TRIQK: variants seen among roughly 807,000 people sequenced by gnomAD.
TRIQK encodes triple QxxK/R motif-containing protein.
In TRIQK, 10 loss-of-function variants were observed where a neutral mutation model predicts 10.8. That is an observed-to-expected ratio of 0.92 (90% CI 0.57 to 1.57). The LOEUF is 1.57. TRIQK is among the 40% of genes most tolerant of loss of function. TRIQK has a pLI of 0.00. For missense variants in TRIQK, 107 were observed against 97.7 expected (o/e 1.09, Z -0.40); for synonymous variants, 33 against 33.7 (o/e 0.98, Z 0.07).
chr8:92,909,460 G>C (rs1586402231), intron 3 of TRIQK, among the ~76,000 whole-genome samples: 2 of 151,932 alleles, frequency 1.3e-5, no homozygotes, highest in Middle Eastern at 6.8e-3. Flanking sequence ...TAGAGAGCAG[G>C]CTGGTAAATT....
At chr8:92,906,542 T>C (rs1287112560) in intron 3 of TRIQK, among the ~76,000 whole-genome samples, 1 of 152,072 alleles carries the variant, frequency 6.6e-6, no homozygotes, top group Non-Finnish European at 1.5e-5. Context: ...CTGAGAATGA[T>C]AGCCTGAACC....
chr8:92,948,464 C>T (rs1811668142), intron 2 of TRIQK, among the ~76,000 whole-genome samples: 1 of 152,132 alleles, frequency 6.6e-6, no homozygotes, highest in African/African-American at 2.4e-5. Context: ...ATGAAATGAA[C>T]AATGAGATTA....
chr8:92,935,831 T>A (rs1309112399), intron 2 of TRIQK, among the ~76,000 whole-genome samples: 2 of 151,416 alleles, frequency 1.3e-5, no homozygotes, highest in East Asian at 3.9e-4. Flanking sequence ...AATTTAAAAA[T>A]TAAAACACAT....
At chr8:92,912,031 C>T (rs1296572102) in intron 3 of TRIQK, among the ~76,000 whole-genome samples, 4 of 150,518 alleles carry the variant, frequency 2.7e-5, no homozygotes, top group African/African-American at 9.7e-5. Flanking sequence ...AGACAAAAAA[C>T]TCAAGAAAAA....
At chr8:92,906,103 A>G (rs1000514179) in intron 3 of TRIQK, among the ~76,000 whole-genome samples, 1 of 152,204 alleles carries the variant, frequency 6.6e-6, no homozygotes, top group Non-Finnish European at 1.5e-5. Context: ...AAGGGCAATG[A>G]AAAAGGGAAA....
chr8:92,976,425 A>G (rs1424809084), intron 1 of TRIQK, among the ~76,000 whole-genome samples: 1 of 151,966 alleles, frequency 6.6e-6, no homozygotes, highest in Non-Finnish European at 1.5e-5. Context: ...TTGCTCTGAA[A>G]TCTACTTTGT....
At position 92,884,565 on chromosome 8, in the gene TRIQK, C is replaced by T. The variant is rs1039195017; in HGVS notation, c.*2057G>A. On this transcript the variant is annotated 3_prime_UTR_variant, in exon 5 of 5. Coordinates refer to ENST00000521988, the MANE Select transcript of TRIQK (RefSeq NM_001171797.2). ...TATTTAGATTAATAGTTATCAAAAA[C>T]ATTTTTCCCCAAAAAATACCTCAAG... The T allele has an allele frequency of 1.6e-5, 5 of 318,134 alleles. 1 individual carries two copies. The highest frequency in any genetic ancestry group is 4.4e-5 in the African/African-American group (2 of 45,948). The allele number at this position is 318,134 out of a possible 1,614,324, so 19.7% of individuals were successfully genotyped here.
intron 1 of TRIQK, among the ~76,000 whole-genome samples, chr8:92,982,658 G>A (rs540323690): frequency 9.9e-5 from 15 of 152,098 alleles, no homozygotes; most frequent in South Asian, 8.3e-4. Flanking sequence ...TTAAGAATAC[G>A]TTGGTCTTTT....
intron 1 of TRIQK, among the ~76,000 whole-genome samples, chr8:92,960,239 T>C (rs777049806): frequency 1.3e-5 from 2 of 152,170 alleles, no homozygotes; most frequent in Non-Finnish European, 2.9e-5. Flanking sequence ...TCTTCTTGTC[T>C]CTTTTTCAGA....
In TRIQK at chr8:92,886,597, C is replaced by A; in HGVS notation, c.*25G>T. The A allele has an allele frequency of 7.1e-7, 1 of 1,408,138 alleles. No homozygotes were observed. The highest frequency in any genetic ancestry group is 1.4e-5 in the South Asian group (1 of 73,268). 87.2% of individuals were successfully genotyped at this position (1,408,138 alleles called of 1,614,324 possible). On this transcript the variant is annotated 3_prime_UTR_variant, in exon 5 of 5. Transcript: ENST00000521988. Reference sequence around the variant, plus strand: ...AAGGTGCTTTCGTAAAGTTATTTCTCTTTCATGCATTGATTGTTGCTTAGC... The same window carrying A: ...AAGGTGCTTTCGTAAAGTTATTTCTATTTCATGCATTGATTGTTGCTTAGC...
chr8:93,001,118 T>A (rs1586527785), intron 1 of TRIQK, among the ~76,000 whole-genome samples: 1 of 151,922 alleles, frequency 6.6e-6, no homozygotes, highest in Non-Finnish European at 1.5e-5. Context: ...CCATCCTGGC[T>A]AACACGGTGA....
chr8:92,962,200 T>C (rs963551792), intron 1 of TRIQK, among the ~76,000 whole-genome samples: 1 of 152,234 alleles, frequency 6.6e-6, no homozygotes, highest in African/African-American at 2.4e-5. Flanking sequence ...TATGATCAAA[T>C]ATGTATCACT....
At chr8:92,932,109 T>C (rs1810757838) in intron 2 of TRIQK, among the ~76,000 whole-genome samples, 1 of 152,106 alleles carries the variant, frequency 6.6e-6, no homozygotes, top group African/African-American at 2.4e-5. Context: ...ATTCTCCTTC[T>C]ACATTTCAAT....
chr8:92,950,297 A>ATTTTTTTTTTTTTTTTTTTTTTTTTTT, intron 2 of TRIQK, among the ~76,000 whole-genome samples: 1 of 152,008 alleles, frequency 6.6e-6, no homozygotes, highest in South Asian at 2.1e-4. Flanking sequence ...TCCCCCAGGG[A>ATTTTTTTTTTTTTTTTTTTTTTTTTTT]TTTTTATCAG....
At chr8:92,960,037 ATT>A (rs1476141741) in intron 1 of TRIQK, among the ~76,000 whole-genome samples, 1 of 152,168 alleles carries the variant, frequency 6.6e-6, no homozygotes, top group South Asian at 2.1e-4. Context: ...TAATTTGACA[ATT>A]TTGTGATTTT....
At chr8:92,942,207 T>A (rs762951456) in intron 2 of TRIQK, among the ~76,000 whole-genome samples, 26 of 152,106 alleles carry the variant, frequency 1.7e-4, no homozygotes, top group Non-Finnish European at 1.0e-4. Flanking sequence ...TCTGATCAAG[T>A]GAGATTCACC....
chr8:92,991,442 C>G (rs888957966), intron 1 of TRIQK, among the ~76,000 whole-genome samples: 6 of 152,236 alleles, frequency 3.9e-5, no homozygotes, highest in African/African-American at 1.4e-4. Context: ...TCCCTGACCC[C>G]CATGCCTCCT....
chr8:92,991,440 C>T (rs149764208), intron 1 of TRIQK, among the ~76,000 whole-genome samples: 4,684 of 152,246 alleles, frequency 0.031, 117 homozygotes, highest in South Asian at 0.048. Flanking sequence ...GGTCCCTGAC[C>T]CCCATGCCTC....
intron 3 of TRIQK, among the ~76,000 whole-genome samples, chr8:92,893,978 C>T (rs1816886891): frequency 6.6e-6 from 1 of 151,804 alleles, no homozygotes; most frequent in South Asian, 2.1e-4. Flanking sequence ...ATCTAAGAGT[C>T]AATACTAAAA....
Sources: allele counts gnomAD v4.1 joint callset (sites outside exome capture counted in the v4.1 genomes callset), GRCh38; gene constraint gnomAD v4.1.1; transcripts MANE v1.5; gene names NCBI Gene and HGNC (gene_info 2026-07-23, HGNC 2026-07-21).